CHCHD6: variants seen among roughly 807,000 people sequenced by gnomAD.
The protein encoded by CHCHD6 is coiled-coil-helix-coiled-coil-helix domain containing 6.
A neutral mutation model predicts 32.3 loss-of-function variants in CHCHD6; 28 were observed. The ratio of observed to expected loss-of-function variants is 0.87; its 90% confidence interval spans 0.64 to 1.19. The LOEUF (loss-of-function observed/expected upper bound fraction) is 1.19. Among genes scored for constraint, CHCHD6 ranks in the 50% most tolerant of loss-of-function variants. The probability of loss-of-function intolerance (pLI) is 0.00; values close to 1 mark genes in which losing one functional copy is unlikely to be tolerated. For missense variants in CHCHD6, 333 were observed against 307.0 expected, an observed-to-expected ratio of 1.08 and a Z score of -0.63; for synonymous variants, 122 against 117.5, an observed-to-expected ratio of 1.04 and a Z score of -0.25.
chr3:126,727,312 G>A, intron 2 of CHCHD6, 126 bp downstream of exon 2: 1 of 559,006 alleles, frequency 1.8e-6, no homozygotes, highest in Non-Finnish European at 3.2e-6. Flanking sequence ...AAGCAGCTCT[G>A]TCTGGTAAGG....
At chr3:126,781,371 G>A (rs1223116758) in intron 4 of CHCHD6, among the ~76,000 whole-genome samples, 2 of 152,222 alleles carry the variant, frequency 1.3e-5, no homozygotes, top group African/African-American at 2.4e-5. Flanking sequence ...GCCTGAGGCA[G>A]TGGTAGCATT....
At chr3:126,825,937 G>T (rs1264531282) in intron 4 of CHCHD6, among the ~76,000 whole-genome samples, 1 of 152,116 alleles carries the variant, frequency 6.6e-6, no homozygotes, top group Non-Finnish European at 1.5e-5. Flanking sequence ...TGTGCTTCCA[G>T]TTGTCATCAT....
intron 4 of CHCHD6, among the ~76,000 whole-genome samples, chr3:126,782,107 T>G (rs1406735558): frequency 6.6e-6 from 1 of 152,216 alleles, no homozygotes; most frequent in Non-Finnish European, 1.5e-5. Flanking sequence ...CTGGTGTTCA[T>G]GAAGCAAACT....
rs147195190 is a variant in CHCHD6 at position 126,748,363 on chromosome 3, G to A, written c.411+15141G>A. Among the ~76,000 whole-genome samples, 477 of 152,286 alleles carry A rather than the reference G, an allele frequency of 3.1e-3. 3 individuals carry two copies. The highest frequency in any genetic ancestry group is 0.024 in the Middle Eastern group (7 of 294). On this transcript the variant is annotated intron_variant, in intron 4 of 7. Coordinates refer to ENST00000290913, the MANE Select transcript of CHCHD6 (RefSeq NM_032343.3). ...TAATCCCAGCACTTTGGGAAGCCAA[G>A]GCGGATGGATCACCTGAGGTCAGGA...
chr3:126,870,589 A>G (rs1012433671), intron 5 of CHCHD6, among the ~76,000 whole-genome samples: 2 of 152,220 alleles, frequency 1.3e-5, no homozygotes, highest in African/African-American at 2.4e-5. Flanking sequence ...TCCACAGCAC[A>G]TCCTGGGGCT....
chr3:126,766,565 TCAC>T, intron 4 of CHCHD6: 1 of 1,154,432 alleles, frequency 8.7e-7, no homozygotes, highest in Non-Finnish European at 1.3e-6. Flanking sequence ...TCCAGAGTCT[TCAC>T]CTCCTGGGCT....
chr3:126,736,427 C>T (rs1298018483), intron 4 of CHCHD6, among the ~76,000 whole-genome samples: 1 of 152,164 alleles, frequency 6.6e-6, no homozygotes, highest in Non-Finnish European at 1.5e-5. Context: ...CTGTAGCCCT[C>T]CCTGTGAACC....
At chr3:126,954,257 T>G (rs1242785648) in intron 6 of CHCHD6, among the ~76,000 whole-genome samples, 2 of 152,192 alleles carry the variant, frequency 1.3e-5, no homozygotes, top group Non-Finnish European at 2.9e-5. Context: ...GGGAGCCCAC[T>G]GCGAGGTTTG....
intron 4 of CHCHD6, among the ~76,000 whole-genome samples, chr3:126,844,622 A>T (rs1222235300): frequency 6.6e-6 from 1 of 152,222 alleles, no homozygotes; most frequent in East Asian, 1.9e-4. Flanking sequence ...CTTATTAATA[A>T]CACGAAGTTA....
intron 4 of CHCHD6, among the ~76,000 whole-genome samples, chr3:126,758,812 A>T (rs1398896988): frequency 6.6e-6 from 1 of 152,132 alleles, no homozygotes; most frequent in Admixed American, 6.5e-5. Flanking sequence ...CTCTCTCATT[A>T]CCTCCAGAAT....
chr3:126,955,412 G>A (rs919002285), intron 6 of CHCHD6, among the ~76,000 whole-genome samples: 2 of 152,242 alleles, frequency 1.3e-5, no homozygotes, highest in Non-Finnish European at 2.9e-5. Flanking sequence ...CAGGAAATAA[G>A]AGGACCCTTT....
intron 5 of CHCHD6, among the ~76,000 whole-genome samples, chr3:126,899,401 G>A (rs10934794): frequency 0.25 from 37,544 of 152,150 alleles, 5,964 homozygotes; most frequent in East Asian, 0.6. Context: ...AGACATTTGC[G>A]ATATTAGGCT....
chr3:126,932,139 G>A (rs1013232343), intron 6 of CHCHD6, among the ~76,000 whole-genome samples: 1 of 152,132 alleles, frequency 6.6e-6, no homozygotes. Context: ...TCTTTTAGAG[G>A]AGAGAGGGGC....
At chr3:126,754,562 G>C (rs969807120) in intron 4 of CHCHD6, among the ~76,000 whole-genome samples, 1 of 152,202 alleles carries the variant, frequency 6.6e-6, no homozygotes, top group South Asian at 2.1e-4. Context: ...GTAAGGAGGC[G>C]AGCATGTCCA....
At chr3:126,765,511 G>C (rs1937333799) in intron 4 of CHCHD6, among the ~76,000 whole-genome samples, 1 of 152,212 alleles carries the variant, frequency 6.6e-6, no homozygotes, top group South Asian at 2.1e-4. Flanking sequence ...AGCTGAGTCA[G>C]CAGAACGGTA....
chr3:126,957,312 A>T (rs1362913665), intron 6 of CHCHD6, 104 bp from the exon 7 acceptor site: 2 of 1,319,852 alleles, frequency 1.5e-6, no homozygotes, highest in East Asian at 5.0e-5. Flanking sequence ...GGTGTCAGGG[A>T]CTTAGCCTAG....
intron 4 of CHCHD6, among the ~76,000 whole-genome samples, chr3:126,784,754 G>A (rs573595704): frequency 6.6e-6 from 1 of 152,218 alleles, no homozygotes; most frequent in South Asian, 2.1e-4. Context: ...CCAGTTTCAC[G>A]CTTTCACATT....
chr3:126,711,285 A>G (rs1934737555), intron 1 of CHCHD6, among the ~76,000 whole-genome samples: 1 of 152,194 alleles, frequency 6.6e-6, no homozygotes, highest in South Asian at 2.1e-4. Flanking sequence ...GCTGTGCATG[A>G]GAATCTTATT....
At position 126,799,864 on chromosome 3, in the gene CHCHD6, C is replaced by T. The variant is rs566332445; in HGVS notation, c.412-52783C>T. Among the ~76,000 whole-genome samples, 7 of 152,280 alleles carry T rather than the reference C, an allele frequency of 4.6e-5. 1 individual carries two copies. The South Asian group carries it at 1.2e-3, about 27-fold the overall frequency. ...AATAATACTAGAGTTTTGGGTCTTA[C>T]TTCATATGTTGTTTTGTAAACAGTC... On this transcript the variant is annotated intron_variant, in intron 4 of 7. Transcript: ENST00000290913.
Sources: gnomAD v4.1 joint callset for allele counts (sites outside exome capture counted in the v4.1 genomes callset) on GRCh38, gnomAD v4.1.1 for gene constraint, MANE v1.5 for transcripts, NCBI Gene and HGNC (gene_info 2026-07-23, HGNC 2026-07-21) for gene names.